Variants in UNC79 observed in about 807,000 individuals in gnomAD.
UNC79 encodes the protein protein unc-79 homolog.
A neutral mutation model predicts 283.1 loss-of-function variants in UNC79; 37 were observed. That is an observed-to-expected ratio of 0.13 (90% CI 0.10 to 0.17). The LOEUF is 0.17. Ranked by LOEUF, UNC79 falls within the 10% of genes least tolerant of loss-of-function variation. The pLI, the probability that UNC79 is intolerant of heterozygous loss-of-function variation, is 1.00. For synonymous variants in UNC79, 1,107 were observed against 1,200.2 expected, an observed-to-expected ratio of 0.92 and a Z score of 1.61; for missense variants, 2,272 against 3,211.1, an observed-to-expected ratio of 0.71 and a Z score of 7.07.
chr14:93,641,099 TG>T, intron 32 of UNC79, 45 bp from the exon 36 acceptor site: 1 of 1,550,428 alleles, frequency 6.4e-7, no homozygotes, highest in Non-Finnish European at 8.8e-7. Flanking sequence ...CTTGGCCCCT[TG>T]AAGCTCATCT....
At chr14:93,417,488 C>A (rs1421660583) in intron 1 of UNC79, among the ~76,000 whole-genome samples, 3 of 152,076 alleles carry the variant, frequency 2.0e-5, no homozygotes, top group Non-Finnish European at 1.5e-5. Context: ...GTAAATCTGA[C>A]AATTATGTGT....
At chr14:93,669,002 AG>A (rs1189618841) in intron 40 of UNC79, among the ~76,000 whole-genome samples, 18 of 149,628 alleles carry the variant, frequency 1.2e-4, no homozygotes, top group East Asian at 1.2e-3. Flanking sequence ...AAAAAAAAAA[AG>A]AATATGCAAG....
intron 1 of UNC79, among the ~76,000 whole-genome samples, chr14:93,390,418 A>G (rs953993699): frequency 1.1e-4 from 16 of 152,208 alleles, no homozygotes; most frequent in African/African-American, 2.4e-5. Flanking sequence ...AAGGACAAGG[A>G]TGCCTACTCT....
At chr14:93,496,339 A>G in intron 5 of UNC79, 72 bp from the exon 6 acceptor site, 1 of 984,738 alleles carries the variant, frequency 1.0e-6, no homozygotes. Flanking sequence ...GTAATTTCTT[A>G]TATATGTATA....
At chr14:93,556,493 G>C (rs2062181947) in intron 14 of UNC79, among the ~76,000 whole-genome samples, 1 of 152,148 alleles carries the variant, frequency 6.6e-6, no homozygotes. Context: ...GGAAGTATCA[G>C]TCTGCGTGTA....
rs775020311 is a variant in UNC79 at position 93,673,338 on chromosome 14, T to C, written c.6637-13T>C. 6.2e-7 allele frequency: 1 copy of C among 1,609,094 alleles called. No homozygotes were observed. Among genetic ancestry groups the C allele is most frequent in the Non-Finnish European group, 8.5e-7 (1 of 1,177,732 alleles). On this transcript the variant is annotated splice_polypyrimidine_tract_variant and intron_variant, in intron 40 of 48. Coordinates refer to ENST00000555664, the Ensembl canonical transcript of UNC79. ...CTAAAATCACTTACCTCCTTCTGTTTTGTTTTCTTTAGGAACGAGATAAAT... is the reference window on the plus strand; with the variant it reads ...CTAAAATCACTTACCTCCTTCTGTTCTGTTTTCTTTAGGAACGAGATAAAT...
downstream of UNC79, chr14:93,707,175 T>A: frequency 2.7e-6 from 1 of 364,056 alleles, no homozygotes; most frequent in East Asian, 4.2e-5. Context: ...TCTATTTTTT[T>A]TAAGAAAAAA....
At chr14:93,682,421 CTG>C (rs993828412) in intron 41 of UNC79, among the ~76,000 whole-genome samples, 194 bp from the exon 45 acceptor site, 14 of 152,100 alleles carry the variant, frequency 9.2e-5, no homozygotes, top group Non-Finnish European at 1.9e-4. Context: ...AAGTAAGACT[CTG>C]TGTGTTAATT....
exon 6 of UNC79, chr14:93,496,420 G>T (rs779653356): frequency 6.5e-7 from 1 of 1,545,152 alleles, no homozygotes; most frequent in Non-Finnish European, 8.7e-7. Flanking sequence ...GTGTATCATT[G>T]TCAATTACTG....
intron 17 of UNC79, among the ~76,000 whole-genome samples, chr14:93,576,598 T>G (rs533355084): frequency 2.9e-4 from 44 of 152,162 alleles, no homozygotes; most frequent in Admixed American, 4.6e-4. Flanking sequence ...AAAGGAGCAA[T>G]ATGGGTGGAC....
At chr14:93,456,988 G>T (rs1465185485) in intron 1 of UNC79, among the ~76,000 whole-genome samples, 1 of 152,188 alleles carries the variant, frequency 6.6e-6, no homozygotes, top group Non-Finnish European at 1.5e-5. Flanking sequence ...GGGGATTCTG[G>T]AGGAAAGTGA....
chr14:93,450,783 T>C (rs535333231), intron 1 of UNC79, among the ~76,000 whole-genome samples: 1 of 152,312 alleles, frequency 6.6e-6, no homozygotes, highest in African/African-American at 2.4e-5. Flanking sequence ...TTTTTACTCA[T>C]TGTGGTGGGC....
intron 25 of UNC79, 29 bp from the exon 26 acceptor site, chr14:93,603,210 T>A (rs763276939): frequency 6.2e-7 from 1 of 1,611,008 alleles, no homozygotes; most frequent in East Asian, 2.2e-5. Context: ...TAAAGGAGAG[T>A]GATAGTCTCT....
chr14:93,523,158 CTTTGG>C (rs1363363198), intron 7 of UNC79, among the ~76,000 whole-genome samples: 2 of 152,118 alleles, frequency 1.3e-5, no homozygotes, highest in African/African-American at 4.8e-5. Context: ...TAGCCAAGTG[CTTTGG>C]GCTACAGAAT....
At chr14:93,608,884 A>G (rs556644105) in intron 26 of UNC79, among the ~76,000 whole-genome samples, 13 of 152,346 alleles carry the variant, frequency 8.5e-5, no homozygotes, top group Non-Finnish European at 8.8e-5. Context: ...TATCTACTAT[A>G]TGTCAGACAT....
intron 41 of UNC79, among the ~76,000 whole-genome samples, chr14:93,681,958 A>G (rs10150778): frequency 0.6 from 91,468 of 152,130 alleles, 28,049 homozygotes; most frequent in Middle Eastern, 0.67. Flanking sequence ...GCACCAAGCT[A>G]GTGCTGGGGA....
intron 1 of UNC79, among the ~76,000 whole-genome samples, chr14:93,394,920 C>T (rs2054964519): frequency 6.6e-6 from 1 of 152,094 alleles, no homozygotes; most frequent in Non-Finnish European, 1.5e-5. Context: ...ACTGTTTTGC[C>T]TAGGTTGGTC....
At chr14:93,424,674 T>G (rs1446245520) in intron 1 of UNC79, among the ~76,000 whole-genome samples, 1 of 150,768 alleles carries the variant, frequency 6.6e-6, no homozygotes, top group African/African-American at 2.4e-5. Flanking sequence ...ATTGAACTCA[T>G]AGAGATAGAG....
chr14:93,498,776 G>A (rs1413201868), intron 7 of UNC79, among the ~76,000 whole-genome samples: 1 of 152,064 alleles, frequency 6.6e-6, no homozygotes, highest in African/African-American at 2.4e-5. Flanking sequence ...GGTTGTTTAT[G>A]TATATATATT....
Sources: gnomAD v4.1 joint callset for allele counts (sites outside exome capture counted in the v4.1 genomes callset) on GRCh38, gnomAD v4.1.1 for gene constraint, MANE v1.5 for transcripts, NCBI Gene and HGNC (gene_info 2026-07-23, HGNC 2026-07-21) for gene names.